The following PHACTR1 variants were observed in gnomAD, a reference collection of about 807,000 sequenced individuals.
PHACTR1 encodes RPEL repeat containing 1.
In PHACTR1, 16 loss-of-function variants were observed where a neutral mutation model predicts 69.2. The ratio of observed to expected loss-of-function variants is 0.23; its 90% confidence interval spans 0.16 to 0.35. The LOEUF is 0.35. PHACTR1 is among the 10% of genes least tolerant of loss of function. The pLI, the probability that PHACTR1 is intolerant of heterozygous loss-of-function variation, is 1.00. For synonymous variants in PHACTR1, 312 were observed against 284.5 expected, an observed-to-expected ratio of 1.10 and a Z score of -0.97; for missense variants, 510 against 734.7, an observed-to-expected ratio of 0.69 and a Z score of 3.54.
At chr6:12,853,877 C>T (rs530014263) in intron 4 of PHACTR1, among the ~76,000 whole-genome samples, 3 of 152,298 alleles carry the variant, frequency 2.0e-5, no homozygotes, top group East Asian at 1.9e-4. Flanking sequence ...CACAGCCAAA[C>T]TGTATCAGAG....
intron 5 of PHACTR1, among the ~76,000 whole-genome samples, chr6:13,158,680 C>A (rs1758541729): frequency 6.6e-6 from 1 of 152,168 alleles, no homozygotes; most frequent in African/African-American, 2.4e-5. Flanking sequence ...CACCCCGGAC[C>A]TATGAAATTG....
At chr6:12,822,382 C>T (rs1004028020) in intron 4 of PHACTR1, among the ~76,000 whole-genome samples, 8 of 152,192 alleles carry the variant, frequency 5.3e-5, no homozygotes, top group African/African-American at 1.9e-4. Flanking sequence ...AGGAGCCATC[C>T]AGAAATTCTA....
At chr6:13,005,198 C>T (rs4330534) in intron 4 of PHACTR1, among the ~76,000 whole-genome samples, 73,709 of 147,718 alleles carry the variant, frequency 0.5, 20,474 homozygotes, top group African/African-American at 0.77. Flanking sequence ...TTTTTTCTTT[C>T]TTTTTTTTTT....
At chr6:13,191,343 G>T (rs545219673) in intron 7 of PHACTR1, among the ~76,000 whole-genome samples, 36 of 152,296 alleles carry the variant, frequency 2.4e-4, no homozygotes, top group African/African-American at 8.2e-4. Context: ...CAGCCATAAG[G>T]TTTATTATAC....
intron 3 of PHACTR1, among the ~76,000 whole-genome samples, chr6:12,740,730 CT>C (rs982975515): frequency 1.1e-4 from 16 of 151,086 alleles, no homozygotes; most frequent in East Asian, 3.9e-4. Flanking sequence ...CATTTTTTTT[CT>C]TTTTTTTAAG....
chr6:12,745,547 AT>A (rs1213135488), intron 3 of PHACTR1, among the ~76,000 whole-genome samples: 2 of 152,190 alleles, frequency 1.3e-5, no homozygotes, highest in African/African-American at 4.8e-5. Flanking sequence ...TTGTCACATG[AT>A]GGAAACAGCA....
intron 4 of PHACTR1, among the ~76,000 whole-genome samples, chr6:12,948,022 TCTC>T (rs1437605030): frequency 6.6e-6 from 1 of 152,216 alleles, no homozygotes; most frequent in Non-Finnish European, 1.5e-5. Context: ...ACCCTAATGT[TCTC>T]CTCTGTTGGC....
intron 4 of PHACTR1, among the ~76,000 whole-genome samples, chr6:12,849,889 G>A (rs901073188): frequency 1.3e-5 from 2 of 152,148 alleles, no homozygotes; most frequent in South Asian, 4.1e-4. Context: ...ACAGTAGGAG[G>A]TTTTAATTTT....
chr6:13,251,229 T>G (rs1023391312), intron 10 of PHACTR1, among the ~76,000 whole-genome samples: 1 of 152,300 alleles, frequency 6.6e-6, no homozygotes, highest in African/African-American at 2.4e-5. Flanking sequence ...GGTGGGATGC[T>G]GGCCATAGGC....
intron 4 of PHACTR1, among the ~76,000 whole-genome samples, chr6:12,867,083 T>G (rs1323122318): frequency 2.0e-5 from 3 of 151,606 alleles, no homozygotes; most frequent in Non-Finnish European, 2.9e-5. Flanking sequence ...CAGGCACTGG[T>G]GAAAGGAAAA....
chr6:13,124,046 G>C (rs1819147337), intron 5 of PHACTR1, among the ~76,000 whole-genome samples: 2 of 152,182 alleles, frequency 1.3e-5, no homozygotes, highest in Admixed American at 1.3e-4. Context: ...AGGAAATAGA[G>C]TGCCCCCACT....
chr6:13,203,834 G>A (rs186582678), intron 7 of PHACTR1, among the ~76,000 whole-genome samples: 1 of 152,280 alleles, frequency 6.6e-6, no homozygotes, highest in African/African-American at 2.4e-5. Context: ...TAAATGGGAG[G>A]TGGGGAAGCC....
intron 4 of PHACTR1, among the ~76,000 whole-genome samples, chr6:12,990,358 C>T (rs1796680895): frequency 6.6e-6 from 1 of 152,154 alleles, no homozygotes; most frequent in African/African-American, 2.4e-5. Context: ...CCTGTTGAGA[C>T]TGAAGAGTAC....
chr6:13,147,081 T>C (rs1823482988), intron 5 of PHACTR1, among the ~76,000 whole-genome samples: 1 of 152,224 alleles, frequency 6.6e-6, no homozygotes, highest in Admixed American at 6.5e-5. Context: ...GTGATATATA[T>C]GTGAAAGGAC....
At chr6:13,162,091 T>C (rs570938227) in intron 6 of PHACTR1, among the ~76,000 whole-genome samples, 8 of 92,434 alleles carry the variant, frequency 8.7e-5, no homozygotes, top group Non-Finnish European at 1.9e-4. Context: ...CCCTCCCTTG[T>C]TTTGTTGTTG....
At chr6:13,219,620 C>T (rs115355199) in intron 8 of PHACTR1, among the ~76,000 whole-genome samples, 436 of 152,284 alleles carry the variant, frequency 2.9e-3, no homozygotes, top group African/African-American at 9.7e-3. Flanking sequence ...TACTCACCCC[C>T]AGCCATGTGC....
intron 10 of PHACTR1, among the ~76,000 whole-genome samples, chr6:13,250,146 A>T (rs1029690865): frequency 1.3e-5 from 2 of 152,182 alleles, no homozygotes; most frequent in African/African-American, 4.8e-5. Context: ...AACCCAAAGT[A>T]TTTACTATCT....
At chr6:13,006,376 A>C (rs1029241278) in intron 4 of PHACTR1, among the ~76,000 whole-genome samples, 4 of 152,118 alleles carry the variant, frequency 2.6e-5, no homozygotes, top group Non-Finnish European at 5.9e-5. Flanking sequence ...ATGTCAGTGG[A>C]ATGTTTAGAG....
rs542060846 is a variant in PHACTR1 at position 12,942,646 on chromosome 6, G to A, written c.251-110719G>A. On this transcript the variant is annotated intron_variant, in intron 4 of 14. Transcript: ENST00000332995. ...TGCACTCCAGCCTGGGCGACAGAAC[G>A]AGATCCTGTCTCAAATAAATAAATG... Among the ~76,000 whole-genome samples the A allele has an allele frequency of 5.3e-5, 8 of 152,226 alleles. No individual in the cohort carries two copies. In the East Asian group the frequency reaches 9.7e-4, roughly 18 times the overall value.
Sources: allele counts gnomAD v4.1 joint callset (sites outside exome capture counted in the v4.1 genomes callset), GRCh38; gene constraint gnomAD v4.1.1; transcripts MANE v1.5; gene names NCBI Gene and HGNC (gene_info 2026-07-23, HGNC 2026-07-21).